Variants in NRXN1 observed in about 807,000 individuals in gnomAD.
NRXN1 encodes the protein neurexin-1.
In NRXN1, 39 loss-of-function variants were observed where a neutral mutation model predicts 150.9. That is an observed-to-expected ratio of 0.26 (90% CI 0.20 to 0.34). The LOEUF is 0.34. Among genes scored for constraint, NRXN1 ranks in the 10% least tolerant of loss-of-function variants. The pLI, the probability that NRXN1 is intolerant of heterozygous loss-of-function variation, is 1.00. For missense variants in NRXN1, 1,815 were observed against 1,949.9 expected (o/e 0.93, Z 1.30); for synonymous variants, 924 against 757.0 (o/e 1.22, Z -3.62).
intron 17 of NRXN1, among the ~76,000 whole-genome samples, chr2:50,384,400 G>A (rs2081175011): frequency 6.6e-6 from 1 of 151,166 alleles, no homozygotes; most frequent in South Asian, 2.1e-4. Context: ...CAGCTACTTG[G>A]GAGGCTAAGG....
At chr2:50,175,915 C>A (rs2060326900) in intron 18 of NRXN1, among the ~76,000 whole-genome samples, 1 of 152,042 alleles carries the variant, frequency 6.6e-6, no homozygotes, top group African/African-American at 2.4e-5. Flanking sequence ...GAAGCCATCA[C>A]CAGAAGAAAA....
chr2:50,431,963 C>G (rs1572948297), intron 17 of NRXN1, among the ~76,000 whole-genome samples: 1 of 152,210 alleles, frequency 6.6e-6, no homozygotes, highest in African/African-American at 2.4e-5. Context: ...GCTTCACAAG[C>G]ATCACTGTAT....
intron 18 of NRXN1, among the ~76,000 whole-genome samples, chr2:50,163,280 T>A (rs1299313811): frequency 6.6e-6 from 1 of 151,606 alleles, no homozygotes; most frequent in Non-Finnish European, 1.5e-5. Flanking sequence ...TGATACACGG[T>A]TGAAGGTAAC....
At chr2:50,479,664 GTTTTA>G (rs2090290889) in intron 15 of NRXN1, among the ~76,000 whole-genome samples, 1 of 151,126 alleles carries the variant, frequency 6.6e-6, no homozygotes, top group Admixed American at 6.6e-5. Flanking sequence ...CACAGGGAAG[GTTTTA>G]TGTCAGCACT....
At chr2:50,136,126 T>C (rs1706369054) in intron 18 of NRXN1, among the ~76,000 whole-genome samples, 2 of 152,186 alleles carry the variant, frequency 1.3e-5, no homozygotes, top group Admixed American at 1.3e-4. Context: ...GGAAGGTTAA[T>C]CTCCTAATTA....
rs143465797 is a variant in NRXN1, at chr2:50,850,486, G to T, written c.832+71383C>A. On this transcript the variant is annotated intron_variant, in intron 5 of 22. Transcript: ENST00000401669. Reference sequence around the variant, plus strand: ...AATGACTATTTTGACTTTCTTTCTTGCTTCAGTCACAGTAGGCTCAGAGTC... The same window carrying T: ...AATGACTATTTTGACTTTCTTTCTTTCTTCAGTCACAGTAGGCTCAGAGTC... Among the ~76,000 whole-genome samples, 14 of 152,156 alleles carry T rather than the reference G, an allele frequency of 9.2e-5. No individual in the cohort carries two copies. The East Asian group carries it at 2.7e-3, about 29-fold the overall frequency.
At chr2:50,754,950 G>A (rs1045728709) in intron 5 of NRXN1, among the ~76,000 whole-genome samples, 1 of 151,832 alleles carries the variant, frequency 6.6e-6, no homozygotes, top group Non-Finnish European at 1.5e-5. Flanking sequence ...TCAACTTAAT[G>A]ATTATCTGAA....
chr2:50,119,718 G>A (rs538928774), intron 18 of NRXN1, among the ~76,000 whole-genome samples: 2 of 152,098 alleles, frequency 1.3e-5, no homozygotes, highest in Non-Finnish European at 2.9e-5. Flanking sequence ...CTTAAGATAC[G>A]GATGTATATA....
At chr2:50,543,383 C>A (rs1226647200) in intron 9 of NRXN1, among the ~76,000 whole-genome samples, 2 of 152,020 alleles carry the variant, frequency 1.3e-5, no homozygotes, top group Non-Finnish European at 2.9e-5. Context: ...ATCTGAAGCA[C>A]CCTGCTATGC....
At chr2:50,407,201 A>G in intron 17 of NRXN1, among the ~76,000 whole-genome samples, 1 of 152,146 alleles carries the variant, frequency 6.6e-6, no homozygotes, top group Non-Finnish European at 1.5e-5. Context: ...AATTTCCCAC[A>G]TCTCTATAAC....
At chr2:50,044,175 T>C (rs1691447845) in intron 21 of NRXN1, among the ~76,000 whole-genome samples, 1 of 152,212 alleles carries the variant, frequency 6.6e-6, no homozygotes, top group African/African-American at 2.4e-5. Flanking sequence ...CTTTACTCCA[T>C]GTCGCAGTTA....
chr2:51,026,108 T>G lies in NRXN1; in HGVS notation c.772+1394A>C, dbSNP rs533954892. On this transcript the variant is annotated intron_variant, in intron 2 of 22. Transcript: ENST00000401669. ...TCAAGTGAGAGAGAACTGCCAACTC[T>G]AATAAGATTTACAAAGGCTAGTTCC... Among the ~76,000 whole-genome samples the G allele has an allele frequency of 2.0e-5, 3 of 152,300 alleles. No individual in the cohort carries two copies. The South Asian group carries it at 6.2e-4, about 32-fold the overall frequency.
chr2:50,223,047 C>T lies in NRXN1; in HGVS notation c.3546+13742G>A, dbSNP rs536258853. Reference sequence around the variant, plus strand: ...TTTCCTGAAAAGTAAATACTTTCATCCGTAGGCAACAAATAAAATTCAATT... The same window carrying T: ...TTTCCTGAAAAGTAAATACTTTCATTCGTAGGCAACAAATAAAATTCAATT... On this transcript the variant is annotated intron_variant, in intron 18 of 22. Transcript: ENST00000401669. Among the ~76,000 whole-genome samples the T allele has an allele frequency of 5.4e-4, 82 of 151,840 alleles. 2 individuals are homozygous for T. The highest frequency in any genetic ancestry group is 3.8e-4 in the Non-Finnish European group (26 of 67,902).
chr2:50,147,366 C>A (rs772536036), intron 18 of NRXN1, among the ~76,000 whole-genome samples: 1 of 151,682 alleles, frequency 6.6e-6, no homozygotes, highest in African/African-American at 2.4e-5. Context: ...GGCAAAGAAG[C>A]AGCATCCAAA....
At chr2:50,769,776 G>A (rs1047491379) in intron 5 of NRXN1, among the ~76,000 whole-genome samples, 3 of 152,022 alleles carry the variant, frequency 2.0e-5, no homozygotes, top group African/African-American at 7.2e-5. Context: ...AAAAATCTGA[G>A]CATCTGCTTT....
intron 2 of NRXN1, among the ~76,000 whole-genome samples, chr2:50,967,360 A>G (rs1344008114): frequency 1.3e-5 from 2 of 152,032 alleles, no homozygotes; most frequent in Non-Finnish European, 2.9e-5. Flanking sequence ...ATTTTTCTTT[A>G]TAACAAATTT....
chr2:51,003,214 A>G (rs1021778185), intron 2 of NRXN1, among the ~76,000 whole-genome samples: 1 of 151,972 alleles, frequency 6.6e-6, no homozygotes, highest in East Asian at 1.9e-4. Flanking sequence ...ATGATTTATC[A>G]AAGTAAAATT....
At chr2:50,741,119 A>C (rs376670867) in intron 5 of NRXN1, among the ~76,000 whole-genome samples, 1 of 152,144 alleles carries the variant, frequency 6.6e-6, no homozygotes, top group Non-Finnish European at 1.5e-5. Flanking sequence ...AATATTAATT[A>C]AAAAAAGATC....
intron 21 of NRXN1, among the ~76,000 whole-genome samples, chr2:50,011,464 T>G (rs1384764137): frequency 6.6e-6 from 1 of 152,150 alleles, no homozygotes; most frequent in Admixed American, 6.6e-5. Context: ...GAAACTCAGA[T>G]AAGCTGAGGA....
Sources: allele counts gnomAD v4.1 joint callset (sites outside exome capture counted in the v4.1 genomes callset), GRCh38; gene constraint gnomAD v4.1.1; transcripts MANE v1.5; gene names NCBI Gene and HGNC (gene_info 2026-07-23, HGNC 2026-07-21).